ZNF529: variants seen among roughly 807,000 people sequenced by gnomAD.
ZNF529 encodes the protein zinc finger protein 529.
ZNF529 carries 11 observed loss-of-function variants against 10.1 expected under a neutral mutation model. The observed-to-expected ratio is 1.09, with a 90% CI of 0.69 to 1.81. The LOEUF (loss-of-function observed/expected upper bound fraction) is 1.81. Ranked by LOEUF, ZNF529 falls within the 40% of genes most tolerant of loss-of-function variation. The pLI is 0.00. For synonymous variants in ZNF529, 204 were observed against 215.7 expected (o/e 0.95, Z 0.47); for missense variants, 624 against 666.8 (o/e 0.94, Z 0.71).
At chr19:36,604,867 C>T (rs2036995050) in intron 1 of ZNF529, 1 of 152,188 alleles carries the variant, frequency 6.6e-6, no homozygotes, top group Non-Finnish European at 1.5e-5. Context: ...GGCTGTGCAC[C>T]TGCTGTGCAC....
intron 2 of ZNF529, among the ~76,000 whole-genome samples, chr19:36,587,811 C>G (rs1253045715): frequency 6.6e-6 from 1 of 152,138 alleles, no homozygotes; most frequent in Admixed American, 6.5e-5. Flanking sequence ...AGGAAAATCT[C>G]TCAAGAAAAA....
intron 2 of ZNF529, among the ~76,000 whole-genome samples, chr19:36,564,615 C>T (rs970502747): frequency 3.3e-5 from 5 of 152,048 alleles, no homozygotes; most frequent in South Asian, 2.1e-4. Context: ...GGTGAGGCTG[C>T]GGAGAAAAGG....
At chr19:36,594,288 C>G (rs1015909220) in intron 1 of ZNF529, 5 of 152,240 alleles carry the variant, frequency 3.3e-5, no homozygotes, top group African/African-American at 1.2e-4. Context: ...TTGCCACTAA[C>G]CCCTTCAAGA....
intron 4 of ZNF529, among the ~76,000 whole-genome samples, chr19:36,551,296 T>C (rs888377299): frequency 6.6e-6 from 1 of 151,912 alleles, no homozygotes; most frequent in African/African-American, 2.4e-5. Context: ...ATAGGGAGGG[T>C]ATGGAATGAG....
intron 2 of ZNF529, among the ~76,000 whole-genome samples, chr19:36,569,971 A>AAAT (rs1370049254): frequency 1.3e-5 from 2 of 152,122 alleles, no homozygotes; most frequent in Non-Finnish European, 2.9e-5. Context: ...GGTTTATGGT[A>AAAT]AATACCTGTA....
intron 2 of ZNF529, among the ~76,000 whole-genome samples, chr19:36,568,471 T>C (rs1283531978): frequency 7.6e-6 from 1 of 130,764 alleles, no homozygotes; most frequent in Admixed American, 7.9e-5. Context: ...TCTGATTTTC[T>C]TTCTTTTTTT....
At chr19:36,579,189 A>C (rs2145236042) in intron 2 of ZNF529, among the ~76,000 whole-genome samples, 1 of 151,238 alleles carries the variant, frequency 6.6e-6, no homozygotes, top group South Asian at 2.1e-4. Context: ...AGACAGAGTG[A>C]GACTCCGTCT....
chr19:36,598,186 C>T (rs917180568), intron 1 of ZNF529, among the ~76,000 whole-genome samples: 8 of 152,100 alleles, frequency 5.3e-5, no homozygotes, highest in Non-Finnish European at 1.0e-4. Context: ...CATTGCTTCT[C>T]TGTATTCTCT....
At chr19:36,572,909 GAACAAACA>G (rs74174417) in intron 1 of ZNF529, among the ~76,000 whole-genome samples, 3 of 150,134 alleles carry the variant, frequency 2.0e-5, no homozygotes, top group Admixed American at 6.6e-5. Context: ...GGAAAAAAAC[GAACAAACA>G]AACAAACAAA....
intron 1 of ZNF529, among the ~76,000 whole-genome samples, chr19:36,600,067 C>T (rs928757503): frequency 1.4e-4 from 21 of 151,802 alleles, no homozygotes; most frequent in Non-Finnish European, 5.9e-5. Flanking sequence ...CGGGGTTTCA[C>T]CATGTTGGTC....
chr19:36,570,487 T>C (rs1238032656), intron 2 of ZNF529, among the ~76,000 whole-genome samples: 4 of 152,166 alleles, frequency 2.6e-5, no homozygotes, highest in African/African-American at 7.2e-5. Context: ...TATTCGCACA[T>C]TGTTGCTGGG....
intron 2 of ZNF529, chr19:36,581,393 G>T (rs1390433613): frequency 1.3e-5 from 2 of 152,108 alleles, no homozygotes; most frequent in Non-Finnish European, 2.9e-5. Flanking sequence ...GAGTTGAGAG[G>T]AATGTTAAGT....
At chr19:36,603,314 T>C (rs555035518) in intron 1 of ZNF529, among the ~76,000 whole-genome samples, 4 of 152,260 alleles carry the variant, frequency 2.6e-5, no homozygotes, top group Middle Eastern at 3.4e-3. Flanking sequence ...GTCAAGGTGT[T>C]ATATGAAAAT....
At chr19:36,578,225 C>T (rs2036377374), upstream of ZNF529, among the ~76,000 whole-genome samples, 2 of 146,478 alleles carry the variant, frequency 1.4e-5, no homozygotes, top group Non-Finnish European at 3.0e-5. Flanking sequence ...CCACCGCACG[C>T]AGCTAATTTT....
chr19:36,592,384 C>T lies in ZNF529; in HGVS notation c.-127-2683G>A, dbSNP rs1454097570. Among the ~76,000 whole-genome samples, 13 of 150,946 alleles carry T rather than the reference C, an allele frequency of 8.6e-5. No homozygotes were observed. The East Asian group carries it at 2.5e-3, about 29-fold the overall frequency. Reference sequence around the variant, plus strand: ...CAAGGCGGGCGGACTGCCTGAGCTCCGGAGTTCAAGACCACCCTGGGCAAC... The same window carrying T: ...CAAGGCGGGCGGACTGCCTGAGCTCTGGAGTTCAAGACCACCCTGGGCAAC... On this transcript the variant is annotated intron_variant, in intron 1 of 4. Coordinates refer to the ZNF529 transcript ENST00000585960.
chr19:36,577,297 T>G (rs765142153), upstream of ZNF529: 13 of 369,512 alleles, frequency 3.5e-5, no homozygotes, highest in Admixed American at 1.6e-4. Context: ...GATCACATTA[T>G]TATTAACAGT....
chr19:36,572,798 C>CGT (rs1212552505), intron 1 of ZNF529, among the ~76,000 whole-genome samples: 17 of 151,342 alleles, frequency 1.1e-4, no homozygotes, highest in Admixed American at 4.0e-4. Flanking sequence ...TATCTATATG[C>CGT]GTGTGTGTGT....
intron 1 of ZNF529, among the ~76,000 whole-genome samples, chr19:36,598,994 G>A (rs564035336): frequency 6.6e-6 from 1 of 152,292 alleles, no homozygotes; most frequent in South Asian, 2.1e-4. Flanking sequence ...AAGGACAGCA[G>A]CTAGAGAGAA....
intron 2 of ZNF529, among the ~76,000 whole-genome samples, chr19:36,562,425 T>C (rs1368099821): frequency 2.0e-5 from 3 of 151,930 alleles, no homozygotes; most frequent in Admixed American, 6.6e-5. Flanking sequence ...TTGGGGGCTA[T>C]TGGAGTGAAA....
Sources: gnomAD v4.1 joint callset for allele counts (sites outside exome capture counted in the v4.1 genomes callset) on GRCh38, gnomAD v4.1.1 for gene constraint, MANE v1.5 for transcripts, NCBI Gene and HGNC (gene_info 2026-07-23, HGNC 2026-07-21) for gene names.